Variants in HPS1 observed in about 807,000 individuals in gnomAD.
HPS1 encodes HPS1 biogenesis of lysosomal organelles complex 3 subunit 1.
Under a neutral mutation model 90.6 loss-of-function variants are expected in HPS1, and 59 were observed. The observed-to-expected ratio is 0.65, with a 90% CI of 0.53 to 0.81. The LOEUF is 0.81. Ranked by LOEUF, HPS1 falls within the 30% of genes least tolerant of loss-of-function variation. The probability of loss-of-function intolerance (pLI) is 0.00; values close to 1 mark genes in which losing one functional copy is unlikely to be tolerated. For missense variants in HPS1, 849 were observed against 896.7 expected (o/e 0.95, Z 0.68); for synonymous variants, 388 against 384.4 (o/e 1.01, Z -0.11).
chr10:98,422,298 G>C, intron 17 of HPS1, 71 bp downstream of exon 17: 1 of 1,561,662 alleles, frequency 6.4e-7, no homozygotes, highest in South Asian at 1.1e-5. Context: ...CAGGCATGTG[G>C]ATCACACCAG....
chr10:98,434,244 C>G (rs41290486), intron 5 of HPS1, among the ~76,000 whole-genome samples, 153 bp from the exon 6 acceptor site: 1 of 152,086 alleles, frequency 6.6e-6, no homozygotes, highest in Non-Finnish European at 1.5e-5. Context: ...GGTTTCCGGC[C>G]GAGCTCTAAC....
At chr10:98,414,551 C>G (rs1023304457), downstream of HPS1, among the ~76,000 whole-genome samples, 1 of 152,104 alleles carries the variant, frequency 6.6e-6, no homozygotes, top group Non-Finnish European at 1.5e-5. Context: ...TTTCTTGTGA[C>G]GAGGGGTGGC....
Position 98,436,482 on chromosome 10 carries a change from T to C in HPS1, c.118-710A>G, listed in dbSNP as rs539726472. 1.1e-4 allele frequency among the ~76,000 whole-genome samples: 17 copies of C among 152,344 alleles called. No individual in the cohort carries two copies. In the South Asian group the frequency reaches 3.1e-3, roughly 28 times the overall value. On this transcript the variant is annotated intron_variant, in intron 3 of 19. Coordinates refer to ENST00000361490, the MANE Select transcript of HPS1 (RefSeq NM_000195.5). ...ATAGAGGAATTAGGAGTGATTTTTT[T>C]CCCTCTATTTTTAAGTATGTTTCTG...
At chr10:98,433,457 A>AT in intron 6 of HPS1, among the ~76,000 whole-genome samples, 1 of 152,270 alleles carries the variant, frequency 6.6e-6, no homozygotes. Context: ...TTTATTTTTA[A>AT]TTTTTTAGTT....
intron 18 of HPS1, among the ~76,000 whole-genome samples, chr10:98,419,095 C>A (rs1465731206): frequency 1.3e-5 from 2 of 152,264 alleles, no homozygotes; most frequent in East Asian, 2.0e-4. Context: ...GGTCAGGAAT[C>A]CCTGCCCCAG....
In HPS1 at chr10:98,425,887, G is replaced by A; in HGVS notation, c.1086C>T (p.Cys362=). ...FLDANVKESY[C]PLVPHTMYCL... ...AGTACATGGTGTGGGGCACTAGGGG[G>A]CAGTAGCTTTCCTTCACGTTGGCAT... The change falls in exon 12 of 20, where the codon TGC becomes TGT. Residue 362 remains cysteine (C), a synonymous_variant. Coordinates refer to ENST00000361490, the MANE Select transcript of HPS1 (RefSeq NM_000195.5). 6.2e-7 allele frequency: 1 copy of A among 1,614,156 alleles called. No individual in the cohort carries two copies. Among genetic ancestry groups the A allele is most frequent in the South Asian group, 1.1e-5 (1 of 91,090 alleles).
chr10:98,422,329 C>A, intron 17 of HPS1, 40 bp downstream of exon 17: 1 of 1,607,988 alleles, frequency 6.2e-7, no homozygotes. Context: ...CCAATATTGG[C>A]TGAGGCCCAC....
intron 11 of HPS1, among the ~76,000 whole-genome samples, chr10:98,426,745 AGTGTGTGT>A (rs58431822): frequency 0.11 from 15,927 of 147,864 alleles, 946 homozygotes; most frequent in East Asian, 0.17. Flanking sequence ...GTACATATGT[AGTGTGTGT>A]GTGTGTGTGT....
intron 18 of HPS1, among the ~76,000 whole-genome samples, chr10:98,418,827 G>C (rs1844467045): frequency 6.6e-6 from 1 of 152,250 alleles, no homozygotes. Flanking sequence ...CCACAGCTCT[G>C]CCTCACTTTA....
downstream of HPS1, among the ~76,000 whole-genome samples, chr10:98,416,007 C>T (rs1477858878): frequency 6.6e-6 from 1 of 152,160 alleles, no homozygotes; most frequent in Admixed American, 6.5e-5. Flanking sequence ...CAGAGTGTTC[C>T]CCTAGGAGGA....
At chr10:98,414,985 G>C (rs1367232589), downstream of HPS1, 4 of 1,610,310 alleles carry the variant, frequency 2.5e-6, no homozygotes, top group African/African-American at 5.3e-5. Context: ...CTCAGCTCTG[G>C]CCCGGCCTGC....
Position 98,417,501 on chromosome 10 carries a change from G to T in HPS1, c.*63C>A. 1 of 1,441,092 alleles carries T rather than the reference G, an allele frequency of 6.9e-7. No individual in the cohort carries two copies. The allele number at this position is 1,441,092 out of a possible 1,614,324, so 89.3% of individuals were successfully genotyped here. On this transcript the variant is annotated 3_prime_UTR_variant, in exon 20 of 20. Coordinates refer to ENST00000361490, the MANE Select transcript of HPS1 (RefSeq NM_000195.5). The surrounding 1 kb of genome is among the most constrained non-coding windows in gnomAD (Gnocchi z 4.2). Reference sequence around the variant, plus strand: ...GCAGACAGGAGGCTCTCGTCATGGGGAACAGTGGCAAGCAAGGGTGGCTGG... The same window carrying T: ...GCAGACAGGAGGCTCTCGTCATGGGTAACAGTGGCAAGCAAGGGTGGCTGG...
In HPS1 at chr10:98,429,920, T is replaced by G. The variant is rs761138316; in HGVS notation, c.769-31A>C. On this transcript the variant is annotated intron_variant, in intron 8 of 19. Coordinates refer to ENST00000361490, the MANE Select transcript of HPS1 (RefSeq NM_000195.5). ...CAGGGCAGGGGAGAGGCTGGTTAGC[T>G]CCTATCTGACCTGGCTCCCTCCACC... 9.4e-6 allele frequency: 15 copies of G among 1,590,424 alleles called. 1 individual carries two copies. The Middle Eastern group carries it at 2.0e-3, about 215-fold the overall frequency.
chr10:98,424,664 G>A (rs1052313127), intron 13 of HPS1, among the ~76,000 whole-genome samples: 1 of 152,178 alleles, frequency 6.6e-6, no homozygotes, highest in South Asian at 2.1e-4. Context: ...CCAGCCCCTC[G>A]GGGTGGGGGG....
In HPS1 at chr10:98,443,223, C is replaced by T; in HGVS notation, c.18G>A (p.Val6=). 6.2e-7 allele frequency: 1 copy of T among 1,613,822 alleles called. No homozygotes were observed. Among genetic ancestry groups the T allele is most frequent in the East Asian group, 2.2e-5 (1 of 44,864 alleles). Residue 6 remains valine, a synonymous_variant, in exon 3 of 20, where the codon GTG becomes GTA. Transcript: ENST00000361490. MKCVL[V]ATEGAEVLFY... is the part of the protein sequence containing the mutation. ...AGAGGACCTCTGCGCCCTCAGTGGC[C>T]ACCAAGACGCACTTCATCTGCCAGG...
intron 2 of HPS1, among the ~76,000 whole-genome samples, chr10:98,444,435 G>C (rs1046081490): frequency 7.9e-5 from 12 of 152,198 alleles, no homozygotes; most frequent in African/African-American, 2.9e-4. Context: ...AGGCTGGTGA[G>C]GACAGTGCTC....
At chr10:98,442,943 C>A (rs894501781) in intron 3 of HPS1, 181 bp downstream of exon 3, 21 of 671,060 alleles carry the variant, frequency 3.1e-5, no homozygotes, top group Non-Finnish European at 5.7e-5. Flanking sequence ...GAGCTCAGAG[C>A]ATCAAGAGGC....
At position 98,435,892 on chromosome 10, in the gene HPS1, A is replaced by C. The variant is rs1433107620; in HGVS notation, c.118-120T>G. On this transcript the variant is annotated intron_variant, in intron 3 of 19. Transcript: ENST00000361490. This position sits in a 1 kb window ranked among gnomAD's most constrained non-coding sequence, Gnocchi z 4.3. ...TAGTGTTAGACCCTCCTGGGAGGGT[A>C]TCACTGTCCTGGTAGGGAGGGGAGC... 1.7e-5 allele frequency: 21 copies of C among 1,245,442 alleles called. No homozygotes were observed. Among genetic ancestry groups the C allele is most frequent in the Non-Finnish European group, 2.4e-5 (21 of 870,682 alleles). 77.1% of individuals were successfully genotyped at this position (1,245,442 alleles called of 1,614,324 possible). A position where few individuals can be genotyped will look rare whatever the true frequency, so the allele number is the denominator to read the frequency against.
intron 18 of HPS1, 63 bp downstream of exon 18, chr10:98,419,982 C>T (rs1279368560): frequency 2.0e-6 from 2 of 1,022,658 alleles, no homozygotes; most frequent in Non-Finnish European, 3.1e-6. Context: ...GAAAGGAATC[C>T]AAGAGTTACA....
Sources: allele counts gnomAD v4.1 joint callset (sites outside exome capture counted in the v4.1 genomes callset), GRCh38; gene constraint gnomAD v4.1.1; non-coding constraint Gnocchi (gnomAD v3.1); transcripts MANE v1.5; gene names NCBI Gene and HGNC (gene_info 2026-07-23, HGNC 2026-07-21).